KCNIP1: variants seen among roughly 807,000 people sequenced by gnomAD.
KCNIP1 encodes the protein A-type potassium channel modulatory protein KCNIP1.
KCNIP1 carries 18 observed loss-of-function variants against 33.0 expected under a neutral mutation model. The observed-to-expected ratio is 0.55, with a 90% confidence interval of 0.38 to 0.81. KCNIP1 has a LOEUF of 0.81. KCNIP1 is among the 30% of genes least tolerant of loss of function. The pLI, the probability that KCNIP1 is intolerant of heterozygous loss-of-function variation, is 0.00. For missense variants in KCNIP1, 238 were observed against 271.6 expected, an observed-to-expected ratio of 0.88 and a Z score of 0.87; for synonymous variants, 93 against 98.3, an observed-to-expected ratio of 0.95 and a Z score of 0.32.
intron 1 of KCNIP1, among the ~76,000 whole-genome samples, chr5:170,581,311 G>A (rs1757787559): frequency 1.3e-5 from 2 of 152,196 alleles, no homozygotes; most frequent in Admixed American, 1.3e-4. Flanking sequence ...GCTAGACCCA[G>A]GACTCACAAG....
At chr5:170,378,653 C>G (rs770678288) in intron 1 of KCNIP1, 3 of 1,539,890 alleles carry the variant, frequency 1.9e-6, no homozygotes, top group African/African-American at 2.8e-5. Context: ...GCCCTGGGGG[C>G]CCAGCCAGTC....
At chr5:170,648,316 A>G (rs1361282805) in intron 1 of KCNIP1, among the ~76,000 whole-genome samples, 1 of 152,250 alleles carries the variant, frequency 6.6e-6, no homozygotes. Context: ...TGTTCACACA[A>G]AAAACTGCAT....
intron 1 of KCNIP1, among the ~76,000 whole-genome samples, chr5:170,479,633 T>C (rs1756930966): frequency 6.6e-6 from 1 of 152,212 alleles, no homozygotes; most frequent in Non-Finnish European, 1.5e-5. Flanking sequence ...AATGTATCTG[T>C]CCCTTCTGCT....
chr5:170,717,670 A>T (rs1342700745), intron 1 of KCNIP1, among the ~76,000 whole-genome samples: 10 of 152,226 alleles, frequency 6.6e-5, no homozygotes, highest in African/African-American at 2.2e-4. Flanking sequence ...ACCAACACTG[A>T]TGAGAGAAAT....
rs114292818 is a variant in KCNIP1, at chr5:170,436,141, T to A, written c.88+82177T>A. Among the ~76,000 whole-genome samples the A allele has an allele frequency of 8.3e-3, 1,263 of 152,284 alleles. 13 individuals are homozygous for A. The highest frequency in any genetic ancestry group is 0.011 in the Non-Finnish European group (766 of 68,028). ...CCTTTCCATAAGTTCTCCAGGGGGT[T>A]CTGAGGCCCACAGAATCAAAGAGCC... On this transcript the variant is annotated intron_variant, in intron 1 of 7. Transcript: ENST00000377360.
intron 1 of KCNIP1, among the ~76,000 whole-genome samples, chr5:170,412,443 G>T (rs1755219768): frequency 6.6e-6 from 1 of 152,160 alleles, no homozygotes; most frequent in Non-Finnish European, 1.5e-5. Flanking sequence ...GATTTGGGGA[G>T]ATTGATCTGG....
At chr5:170,391,642 AC>A (rs750289122) in intron 1 of KCNIP1, among the ~76,000 whole-genome samples, 3 of 152,246 alleles carry the variant, frequency 2.0e-5, no homozygotes, top group Admixed American at 2.0e-4. Context: ...TTCTTAAGGT[AC>A]TAGCACAATA....
chr5:170,696,989 C>A (rs1189197678), intron 1 of KCNIP1, among the ~76,000 whole-genome samples: 1 of 152,138 alleles, frequency 6.6e-6, no homozygotes. Flanking sequence ...CTCTCCCCAT[C>A]CTCCCTGTAC....
At chr5:170,619,851 T>C (rs1233848137) in intron 1 of KCNIP1, among the ~76,000 whole-genome samples, 1 of 152,180 alleles carries the variant, frequency 6.6e-6, no homozygotes. Context: ...TAACACTGGA[T>C]TCTGTCCACC....
intron 1 of KCNIP1, among the ~76,000 whole-genome samples, chr5:170,686,679 G>T (rs1762546425): frequency 6.6e-6 from 1 of 152,162 alleles, no homozygotes; most frequent in Admixed American, 6.5e-5. Context: ...TGGCTGTAAA[G>T]AACATTCTGT....
At chr5:170,462,305 A>G (rs1185315204) in intron 1 of KCNIP1, among the ~76,000 whole-genome samples, 3 of 151,826 alleles carry the variant, frequency 2.0e-5, no homozygotes, top group African/African-American at 4.8e-5. Flanking sequence ...AAAATCATCA[A>G]AAATTGGGCT....
Position 170,504,325 on chromosome 5 carries a change from G to C in KCNIP1, c.-248G>C, listed in dbSNP as rs941340625. The C allele has an allele frequency of 2.9e-6, 4 of 1,367,540 alleles. No homozygotes were observed. The Admixed American group carries it at 1.0e-4, about 35-fold the overall frequency. 84.7% of individuals were successfully genotyped at this position (1,367,540 alleles called of 1,614,324 possible). A position where few individuals can be genotyped will look rare whatever the true frequency, so the allele number is the denominator to read the frequency against. On this transcript the variant is annotated 5_prime_UTR_variant, in exon 1 of 8. Coordinates refer to ENST00000328939, the MANE Select transcript of KCNIP1 (RefSeq NM_014592.4). This position sits in a 1 kb window ranked among gnomAD's most constrained non-coding sequence, Gnocchi z 6.0. ...GAGGGAACCGCCGGGCCGGGTCCTC[G>C]CGCGGGGAAGCGGTTCCGAAGGCTC...
At chr5:170,535,717 T>A (rs555084220) in intron 1 of KCNIP1, among the ~76,000 whole-genome samples, 1 of 152,342 alleles carries the variant, frequency 6.6e-6, no homozygotes, top group African/African-American at 2.4e-5. Context: ...CCTGCTTTGA[T>A]TATTCAGGGA....
At chr5:170,729,635 A>G (rs2113891173) in intron 5 of KCNIP1, among the ~76,000 whole-genome samples, 1 of 152,218 alleles carries the variant, frequency 6.6e-6, no homozygotes, top group East Asian at 1.9e-4. Flanking sequence ...GTCAATACAT[A>G]TATTAGAGAC....
intron 1 of KCNIP1, among the ~76,000 whole-genome samples, chr5:170,624,330 TTA>T (rs1480710260): frequency 1.2e-4 from 18 of 152,088 alleles, no homozygotes; most frequent in African/African-American, 4.3e-4. Context: ...CTTGCTGAGC[TTA>T]GAGTCAAGTG....
intron 1 of KCNIP1, among the ~76,000 whole-genome samples, chr5:170,518,891 A>G (rs912636164): frequency 3.3e-5 from 5 of 152,160 alleles, no homozygotes; most frequent in Non-Finnish European, 5.9e-5. Context: ...GCTGTGCGGC[A>G]GGAATGAGAG....
chr5:170,679,897 A>T (rs1762272454), intron 1 of KCNIP1, among the ~76,000 whole-genome samples: 1 of 152,154 alleles, frequency 6.6e-6, no homozygotes, highest in Admixed American at 6.5e-5. Flanking sequence ...TTACTGTTAT[A>T]AACGAATGAT....
chr5:170,378,881 GA>G (rs765031268), intron 1 of KCNIP1: 9 of 1,614,264 alleles, frequency 5.6e-6, no homozygotes, highest in Non-Finnish European at 7.6e-6. Context: ...AGAAGCAGTA[GA>G]AGACCTGCTG....
At chr5:170,488,598 A>G (rs1757143702) in intron 1 of KCNIP1, among the ~76,000 whole-genome samples, 1 of 152,270 alleles carries the variant, frequency 6.6e-6, no homozygotes, top group Admixed American at 6.5e-5. Flanking sequence ...TACAAAGCCC[A>G]GTGCTCCCAG....
Sources: gnomAD v4.1 joint callset for allele counts (sites outside exome capture counted in the v4.1 genomes callset) on GRCh38, gnomAD v4.1.1 for gene constraint, Gnocchi (gnomAD v3.1) non-coding constraint, MANE v1.5 for transcripts, NCBI Gene and HGNC (gene_info 2026-07-23, HGNC 2026-07-21) for gene names.